The following RBM17 variants were observed in gnomAD, a reference collection of about 807,000 sequenced individuals.
The protein encoded by RBM17 is splicing factor 45.
RBM17 carries 7 observed loss-of-function variants against 53.2 expected under a neutral mutation model. The observed-to-expected ratio is 0.13, with a 90% confidence interval of 0.07 to 0.25. The LOEUF (loss-of-function observed/expected upper bound fraction) is 0.25, where lower values mean the gene tolerates loss of function less well. RBM17 is among the 10% of genes least tolerant of loss of function. RBM17 has a pLI of 1.00. For missense variants in RBM17, 257 were observed against 496.7 expected (o/e 0.52, Z 4.59); for synonymous variants, 167 against 178.1 (o/e 0.94, Z 0.50).
At chr10:6,110,227 GACCCTTGGTGTGTGCAGGT>G in intron 7 of RBM17, 100 bp downstream of exon 7, 1 of 1,109,002 alleles carries the variant, frequency 9.0e-7, no homozygotes, top group Non-Finnish European at 1.3e-6. Context: ...GGACATTCAG[GACCCTTGGTGTGTGCAGGT>G]CACACGGTAC....
Position 6,117,217 on chromosome 10 carries a change from G to A in RBM17, c.*1661G>A, listed in dbSNP as rs1025549149. 4 of 152,256 alleles carry A rather than the reference G, an allele frequency of 2.6e-5. No individual in the cohort carries two copies. The highest frequency in any genetic ancestry group is 5.9e-5 in the Non-Finnish European group (4 of 68,034). The allele number at this position is 152,256 out of a possible 1,614,324, so 9.4% of individuals were successfully genotyped here. On this transcript the variant is annotated 3_prime_UTR_variant, in exon 12 of 12. Transcript: ENST00000379888. Reference sequence around the variant, plus strand: ...AACCAACTCATACTACTTGATTTCCGTTCGCATGAGGACAGCTTGGTGTGT... The same window carrying A: ...AACCAACTCATACTACTTGATTTCCATTCGCATGAGGACAGCTTGGTGTGT...
chr10:6,105,162 G>T, intron 4 of RBM17, 65 bp downstream of exon 4: 1 of 1,457,420 alleles, frequency 6.9e-7, no homozygotes, highest in South Asian at 1.2e-5. Context: ...GTTAACGAAT[G>T]AGCGTCGCTG....
intron 1 of RBM17, among the ~76,000 whole-genome samples, chr10:6,095,622 CA>C (rs1840560561): frequency 6.6e-6 from 1 of 152,080 alleles, no homozygotes; most frequent in South Asian, 2.1e-4. Context: ...ATTTAAAAAT[CA>C]AAATGGAGAG....
At chr10:6,107,523 C>G (rs1221064053) in intron 5 of RBM17, among the ~76,000 whole-genome samples, 1 of 116,230 alleles carries the variant, frequency 8.6e-6, no homozygotes, top group Non-Finnish European at 1.7e-5. Flanking sequence ...GCTCTGTTGC[C>G]CAGGCTGGAG....
Position 6,095,422 on chromosome 10 carries a change from A to G in RBM17, c.-18-1626A>G, listed in dbSNP as rs529333861. On this transcript the variant is annotated intron_variant, in intron 1 of 11. Transcript: ENST00000379888. ...GAGACAGGTTTTCACCGTGTTGGCC[A>G]GGCTGATCTCTTAACTCCTGACCTC... Among the ~76,000 whole-genome samples the G allele has an allele frequency of 3.5e-4, 54 of 152,158 alleles. No homozygotes were observed. The East Asian group carries it at 8.7e-3, about 24-fold the overall frequency.
rs1840905232 is a variant in RBM17 at position 6,115,764 on chromosome 10, G to A, written c.*208G>A. 2 of 404,062 alleles carry A rather than the reference G, an allele frequency of 4.9e-6. No homozygotes were observed. The highest frequency in any genetic ancestry group is 8.7e-6 in the Non-Finnish European group (2 of 229,442). 25.0% of individuals were successfully genotyped at this position (404,062 alleles called of 1,614,324 possible). A position where few individuals can be genotyped will look rare whatever the true frequency, so the allele number is the denominator to read the frequency against. ...CTTTTAAAAAAACAACAATCTGTGTGCCTCTCTGGTTGTTTCTCTTTTTTA... is the reference window on the plus strand; with the variant it reads ...CTTTTAAAAAAACAACAATCTGTGTACCTCTCTGGTTGTTTCTCTTTTTTA... On this transcript the variant is annotated 3_prime_UTR_variant, in exon 12 of 12. Transcript: ENST00000379888.
Position 6,110,057 on chromosome 10 carries a change from C to A in RBM17, c.634C>A (p.Pro212Thr), listed in dbSNP as rs1191285298. ...SQSSKAAIPP[P>T]VYEEQDRPRS... is the part of the protein sequence containing the mutation. ...GTCTTCCAAAGCAGCCATTCCTCCC[C>A]CAGTGTACGAGGAACAAGACAGACC... Residue 212 changes from proline (P) to threonine (T), a missense_variant, in exon 7 of 12, where the codon CCA (proline) becomes ACA (threonine). Physicochemically the swap from Pro to Thr is conservative, Grantham distance 38. This residue lies in a region of RBM17 where 68 missense variants were observed against 60.0 expected (regional missense o/e 1.13). Transcript: ENST00000379888. 1 of 1,613,050 alleles carries A rather than the reference C, an allele frequency of 6.2e-7. No individual in the cohort carries two copies. Among genetic ancestry groups the A allele is most frequent in the Non-Finnish European group, 8.5e-7 (1 of 1,179,184 alleles).
rs748570867 is a variant in RBM17, at chr10:6,112,433, G to GAT, written c.856+73_856+74dup. The stretch of plus-strand genomic sequence containing the variant: ...ATCCATATCAGACATGGCCAGTCTT[G>GAT]ATCCTCATGTGTCAGCAGGGGGACA... On this transcript the variant is annotated intron_variant, in intron 8 of 11. Coordinates refer to ENST00000379888, the MANE Select transcript of RBM17 (RefSeq NM_032905.5). The surrounding 1 kb of genome is among the most constrained non-coding windows in gnomAD (Gnocchi z 4.4). 6.4e-7 allele frequency: 1 copy of GAT among 1,564,044 alleles called. No individual in the cohort carries two copies. Among genetic ancestry groups the GAT allele is most frequent in the South Asian group, 1.1e-5 (1 of 87,750 alleles).
At chr10:6,090,647 T>A (rs1840467835) in intron 1 of RBM17, among the ~76,000 whole-genome samples, 1 of 152,176 alleles carries the variant, frequency 6.6e-6, no homozygotes, top group Non-Finnish European at 1.5e-5. Context: ...TCAGACCTCC[T>A]CCCAGCAGGG....
At chr10:6,105,128 T>A in intron 4 of RBM17, 31 bp downstream of exon 4, 1 of 1,601,784 alleles carries the variant, frequency 6.2e-7, no homozygotes, top group Non-Finnish European at 8.5e-7. Context: ...GGGGATATTT[T>A]ACAGTTGAAA....
intron 10 of RBM17, 158 bp from the exon 11 acceptor site, chr10:6,115,081 A>G: frequency 1.6e-6 from 1 of 643,160 alleles, no homozygotes; most frequent in Non-Finnish European, 2.6e-6. Flanking sequence ...TACGTTTTTG[A>G]TGATGAACAA....
intron 2 of RBM17, among the ~76,000 whole-genome samples, chr10:6,099,656 T>G (rs1840641042): frequency 6.6e-6 from 1 of 152,242 alleles, no homozygotes; most frequent in Admixed American, 6.5e-5. Flanking sequence ...TTTGTATTTT[T>G]TGTTGTATTG....
At chr10:6,103,271 C>G (rs1840696842) in intron 3 of RBM17, among the ~76,000 whole-genome samples, 1 of 152,148 alleles carries the variant, frequency 6.6e-6, no homozygotes, top group Non-Finnish European at 1.5e-5. Flanking sequence ...CCATCCTCCC[C>G]CCTCAGCATT....
intron 3 of RBM17, 24 bp from the exon 4 acceptor site, chr10:6,104,907 T>C: frequency 6.2e-7 from 1 of 1,607,792 alleles, no homozygotes; most frequent in Non-Finnish European, 8.5e-7. Flanking sequence ...AGAGGATTCT[T>C]ACTGCTGTTT....
chr10:6,098,838 G>A (rs1389906631), intron 2 of RBM17, among the ~76,000 whole-genome samples: 5 of 152,044 alleles, frequency 3.3e-5, no homozygotes, highest in African/African-American at 9.7e-5. Context: ...GTGAGCCACC[G>A]TGTCCGGCCA....
chr10:6,098,563 G>GTCTTTTTTT (rs1554834988), intron 2 of RBM17, among the ~76,000 whole-genome samples: 23 of 46,666 alleles, frequency 4.9e-4, no homozygotes, highest in Admixed American at 7.9e-4. Flanking sequence ...CAGGTTTTTT[G>GTCTTTTTTT]TTTTTTTTTT....
chr10:6,091,477 A>AC (rs1193211329), intron 1 of RBM17, among the ~76,000 whole-genome samples: 2 of 152,126 alleles, frequency 1.3e-5, no homozygotes, highest in Non-Finnish European at 1.5e-5. Context: ...CAGAACTCAG[A>AC]CCTTGACTCG....
At position 6,108,724 on chromosome 10, in the gene RBM17, G is replaced by A; in HGVS notation, c.544G>A (p.Val182Ile). 3 of 1,612,240 alleles carry A rather than the reference G, an allele frequency of 1.9e-6. No individual in the cohort carries two copies. Among genetic ancestry groups the A allele is most frequent in the Non-Finnish European group, 1.7e-6 (2 of 1,179,058 alleles). ...TGCCATTGCCCCACCCACTTCTCTG[G>A]TAGAGAAAGACAAAGAGTGTAAGTA... ...GAAIAPPTSLVEKDKELPRDF... is the reference protein window; with the variant it reads ...GAAIAPPTSLIEKDKELPRDF... The change falls in exon 6 of 12, where the codon GTA (valine) becomes ATA (isoleucine). Residue 182 changes from valine (V) to isoleucine (I), a missense_variant. Around this residue, in one of 6 missense-constraint regions of RBM17, gnomAD observed 68 missense variants for 60.0 expected, o/e 1.13. Coordinates refer to ENST00000379888, the MANE Select transcript of RBM17 (RefSeq NM_032905.5).
chr10:6,098,599 G>A (rs867643520), intron 2 of RBM17, among the ~76,000 whole-genome samples: 6 of 72,970 alleles, frequency 8.2e-5, no homozygotes, highest in Middle Eastern at 0.014. Flanking sequence ...TTTTTGAGAC[G>A]TAGTCTCACT....
Sources: gnomAD v4.1 joint callset for allele counts (sites outside exome capture counted in the v4.1 genomes callset) on GRCh38, gnomAD v4.1.1 for gene constraint, gnomAD v4.1.1 regional missense constraint, Gnocchi (gnomAD v3.1) non-coding constraint, MANE v1.5 for transcripts, NCBI Gene and HGNC (gene_info 2026-07-23, HGNC 2026-07-21) for gene names.